Variants in GTF2B observed in about 807,000 individuals in gnomAD.
GTF2B encodes transcription initiation factor IIB.
Under a neutral mutation model 34.6 loss-of-function variants are expected in GTF2B, and 20 were observed. The ratio of observed to expected loss-of-function variants is 0.58; its 90% CI spans 0.41 to 0.84. The LOEUF is 0.84. Among genes scored for constraint, GTF2B ranks in the 40% least tolerant of loss-of-function variants. The pLI, the probability that GTF2B is intolerant of heterozygous loss-of-function variation, is 0.00. For missense variants in GTF2B, 237 were observed against 393.3 expected (o/e 0.60, Z 3.36); for synonymous variants, 142 against 132.4 (o/e 1.07, Z -0.50).
At chr1:88,887,633 C>T (rs1424553441) in intron 1 of GTF2B, 2 of 376,360 alleles carry the variant, frequency 5.3e-6, no homozygotes, top group Admixed American at 8.0e-5. Flanking sequence ...TTTCTTCTCT[C>T]AATATGTATG....
At chr1:88,860,787 T>TAC (rs1286349707) in intron 3 of GTF2B, among the ~76,000 whole-genome samples, 2 of 152,142 alleles carry the variant, frequency 1.3e-5, no homozygotes, top group Non-Finnish European at 2.9e-5. Context: ...TACAAATGAG[T>TAC]ACTTCTTTAC....
rs147687758 is a variant in GTF2B, at chr1:88,884,517, C to A, written c.124+2744G>T. Among the ~76,000 whole-genome samples the A allele has an allele frequency of 3.8e-4, 58 of 152,300 alleles. No homozygotes were observed. In the East Asian group the frequency reaches 0.01, roughly 27 times the overall value. Reference sequence around the variant, plus strand: ...TAACAGTCTTAAATAAATTTATTTTCTCTGCATACATTTCTTCAGCTGTTG... The same window carrying A: ...TAACAGTCTTAAATAAATTTATTTTATCTGCATACATTTCTTCAGCTGTTG... On this transcript the variant is annotated intron_variant, in intron 2 of 6. Transcript: ENST00000370500.
chr1:88,873,415 G>A (rs1452342564), intron 2 of GTF2B, among the ~76,000 whole-genome samples: 3 of 151,948 alleles, frequency 2.0e-5, no homozygotes, highest in Admixed American at 2.0e-4. Flanking sequence ...TGGTCAGGCT[G>A]GTCTCAAACT....
intron 5 of GTF2B, chr1:88,858,759 AT>A (rs1673374168): frequency 6.6e-6 from 1 of 152,210 alleles, no homozygotes; most frequent in Non-Finnish European, 1.5e-5. Flanking sequence ...CACTGAACAA[AT>A]TATCACATAT....
At chr1:88,891,398 C>T in intron 1 of GTF2B, 85 bp downstream of exon 1, 2 of 1,059,644 alleles carry the variant, frequency 1.9e-6, no homozygotes, top group African/African-American at 3.1e-5. Flanking sequence ...GCGCTCAGCC[C>T]TACGAGGCTG....
chr1:88,881,231 A>C (rs1157947173), intron 2 of GTF2B, among the ~76,000 whole-genome samples: 3 of 151,882 alleles, frequency 2.0e-5, no homozygotes, highest in African/African-American at 7.3e-5. Context: ...TACAGTACTC[A>C]GTACAATACC....
chr1:88,888,140 C>T (rs957849265), intron 1 of GTF2B: 2 of 152,094 alleles, frequency 1.3e-5, no homozygotes, highest in African/African-American at 4.8e-5. Context: ...GGTATCACTG[C>T]AAATAAGGCC....
Position 88,853,219 on chromosome 1 carries a change from C to G in GTF2B, c.945G>C (p.Gln315His). The G allele has an allele frequency of 6.2e-7, 1 of 1,613,898 alleles. No individual in the cohort carries two copies. The highest frequency in any genetic ancestry group is 8.5e-7 in the Non-Finnish European group (1 of 1,179,818). The change falls in exon 7 of 7, where the codon CAG becomes CAC. Residue 315 changes from glutamine (Q) to histidine (H), a missense_variant. Gln to His is a conservative substitution (Grantham distance 24, BLOSUM62 0). Coordinates refer to ENST00000370500, the MANE Select transcript of GTF2B (RefSeq NM_001514.6). ...TGACGTTAGCTGCCTCAATTTATAG[C>G]TGTGGTAGTTTGTCCACTGGGGTGT... Reference protein sequence around the residue: ...KFDTPVDKLPQL With the variant: ...KFDTPVDKLPHL
intron 2 of GTF2B, among the ~76,000 whole-genome samples, chr1:88,879,810 C>G (rs1673894739): frequency 6.6e-6 from 1 of 152,080 alleles, no homozygotes; most frequent in African/African-American, 2.4e-5. Flanking sequence ...AATCCCAGCA[C>G]TTTGGGAGGT....
At chr1:88,866,750 G>A (rs1380728887) in intron 2 of GTF2B, among the ~76,000 whole-genome samples, 1 of 152,120 alleles carries the variant, frequency 6.6e-6, no homozygotes, top group African/African-American at 2.4e-5. Flanking sequence ...AGGTAAAAGC[G>A]GATTATCAGT....
rs1386740562 is a variant in GTF2B, at chr1:88,860,959, CG to C, written c.259-674del. ...CAATAGTATTAAGCAAGAGAAAAAC[CG>C]GAAGTACAAAATTGGAAAGGATGTG... On this transcript the variant is annotated intron_variant, in intron 3 of 6. Coordinates refer to ENST00000370500, the MANE Select transcript of GTF2B (RefSeq NM_001514.6). 7.2e-5 allele frequency among the ~76,000 whole-genome samples: 11 copies of C among 152,132 alleles called. No individual in the cohort carries two copies. In the East Asian group the frequency reaches 2.1e-3, roughly 29 times the overall value.
intron 2 of GTF2B, among the ~76,000 whole-genome samples, chr1:88,886,237 G>A (rs968358375): frequency 2.0e-5 from 3 of 152,196 alleles, no homozygotes; most frequent in African/African-American, 7.2e-5. Flanking sequence ...GACCAAGTAA[G>A]TCAAGTCCAC....
At position 88,872,990 on chromosome 1, in the gene GTF2B, C is replaced by T. The variant is rs148342514; in HGVS notation, c.125-8876G>A. 3.9e-5 allele frequency among the ~76,000 whole-genome samples: 6 copies of T among 152,196 alleles called. No individual in the cohort carries two copies. The East Asian group carries it at 7.7e-4, about 20-fold the overall frequency. ...ATAGGATCCCTGTTTCTCTTTATTA[C>T]AGTTTTATATTCATAAGCCTCATAT... On this transcript the variant is annotated intron_variant, in intron 2 of 6. Coordinates refer to ENST00000370500, the MANE Select transcript of GTF2B (RefSeq NM_001514.6).
At chr1:88,876,458 G>C (rs781289328) in intron 2 of GTF2B, among the ~76,000 whole-genome samples, 1 of 152,160 alleles carries the variant, frequency 6.6e-6, no homozygotes, top group Non-Finnish European at 1.5e-5. Context: ...GATTGCTTGA[G>C]CCCAGGAGTT....
At chr1:88,870,896 CTTTTTTTTTTT>C (rs1022965980) in intron 2 of GTF2B, among the ~76,000 whole-genome samples, 2 of 109,186 alleles carry the variant, frequency 1.8e-5, no homozygotes, top group Non-Finnish European at 3.6e-5. Flanking sequence ...CTTACACAGT[CTTTTTTTTTTT>C]TTTTTTTTTT....
At chr1:88,880,143 AT>A (rs1237558026) in intron 2 of GTF2B, among the ~76,000 whole-genome samples, 5 of 152,228 alleles carry the variant, frequency 3.3e-5, no homozygotes, top group African/African-American at 1.2e-4. Flanking sequence ...CTGAATTAAT[AT>A]GGTTTAATCT....
intron 2 of GTF2B, among the ~76,000 whole-genome samples, chr1:88,877,799 G>T (rs1317521975): frequency 1.3e-5 from 2 of 152,186 alleles, no homozygotes; most frequent in East Asian, 3.8e-4. Context: ...GGGCATGGTG[G>T]TGGTCACCTG....
intron 2 of GTF2B, among the ~76,000 whole-genome samples, chr1:88,881,584 T>G (rs940685441): frequency 5.9e-5 from 9 of 152,202 alleles, no homozygotes; most frequent in African/African-American, 1.9e-4. Flanking sequence ...ACACCTGCCC[T>G]TGTTTGGTAA....
At chr1:88,864,751 T>C (rs2100967196) in intron 2 of GTF2B, among the ~76,000 whole-genome samples, 1 of 152,360 alleles carries the variant, frequency 6.6e-6, no homozygotes, top group East Asian at 1.9e-4. Context: ...TTATTATTAC[T>C]GTTTTGGTGA....
Sources: gnomAD v4.1 joint callset for allele counts (sites outside exome capture counted in the v4.1 genomes callset) on GRCh38, gnomAD v4.1.1 for gene constraint, MANE v1.5 for transcripts, NCBI Gene and HGNC (gene_info 2026-07-23, HGNC 2026-07-21) for gene names.